The following FAM193A variants were observed in gnomAD, a reference collection of about 807,000 sequenced individuals.
The protein encoded by FAM193A is protein FAM193A.
FAM193A carries 22 observed loss-of-function variants against 126.5 expected under a neutral mutation model. The ratio of observed to expected loss-of-function variants is 0.17; its 90% confidence interval spans 0.12 to 0.25. FAM193A has a LOEUF of 0.25. FAM193A is among the 10% of genes least tolerant of loss of function. The pLI is 1.00. For synonymous variants in FAM193A, 761 were observed against 646.8 expected (o/e 1.18, Z -2.68); for missense variants, 1,675 against 1,672.8 (o/e 1.00, Z -0.02).
At chr4:2,704,042 C>T (rs1189503856) in intron 19 of FAM193A, among the ~76,000 whole-genome samples, 7 of 151,554 alleles carry the variant, frequency 4.6e-5, no homozygotes, top group African/African-American at 9.7e-5. Context: ...CCGAGGGAGG[C>T]GGATCACGAG....
intron 5 of FAM193A, among the ~76,000 whole-genome samples, chr4:2,634,092 G>A (rs772007085): frequency 2.0e-5 from 3 of 152,128 alleles, no homozygotes; most frequent in Admixed American, 6.5e-5. Flanking sequence ...CATAATGCTG[G>A]GACTGTAAGT....
chr4:2,609,972 C>G (rs987968571), intron 2 of FAM193A, among the ~76,000 whole-genome samples: 2 of 151,096 alleles, frequency 1.3e-5, no homozygotes, highest in Non-Finnish European at 2.9e-5. Flanking sequence ...TGGCTCACTC[C>G]TGTAATCCCA....
At chr4:2,623,806 A>G (rs1742703815) in intron 2 of FAM193A, among the ~76,000 whole-genome samples, 1 of 152,162 alleles carries the variant, frequency 6.6e-6, no homozygotes, top group Non-Finnish European at 1.5e-5. Context: ...CAGAGTGGGA[A>G]TAGTGCAATA....
At chr4:2,590,488 A>AC (rs1473317965) in intron 1 of FAM193A, among the ~76,000 whole-genome samples, 2 of 75,344 alleles carry the variant, frequency 2.7e-5, no homozygotes, top group Admixed American at 9.9e-5. Flanking sequence ...AAAAAAAACA[A>AC]AAAAAAACAA....
chr4:2,688,636 C>T (rs575190798), intron 13 of FAM193A, among the ~76,000 whole-genome samples: 1 of 152,312 alleles, frequency 6.6e-6, no homozygotes, highest in East Asian at 1.9e-4. Flanking sequence ...GCATCCTGAG[C>T]AGGGGAGTGA....
chr4:2,555,014 T>G (rs540143458), intron 1 of FAM193A, among the ~76,000 whole-genome samples: 25 of 152,252 alleles, frequency 1.6e-4, no homozygotes, highest in Non-Finnish European at 2.8e-4. Flanking sequence ...TTAATTGTGC[T>G]TATTCATATT....
At chr4:2,657,708 C>T in intron 7 of FAM193A, 95 bp from the exon 8 acceptor site, 1 of 744,552 alleles carries the variant, frequency 1.3e-6, no homozygotes. Context: ...TCATATATAT[C>T]ATTTTAAGAA....
intron 13 of FAM193A, among the ~76,000 whole-genome samples, chr4:2,679,588 A>C (rs957022258): frequency 1.3e-5 from 2 of 151,526 alleles, no homozygotes; most frequent in African/African-American, 4.8e-5. Flanking sequence ...CATGTTGGTC[A>C]GCTGGTCTCG....
chr4:2,730,476 G>T (rs1347598854), intron 20 of FAM193A, among the ~76,000 whole-genome samples: 2 of 151,942 alleles, frequency 1.3e-5, no homozygotes. Context: ...AGATCACAAG[G>T]TCAGGATATT....
At chr4:2,705,346 G>T (rs1276786355) in intron 19 of FAM193A, among the ~76,000 whole-genome samples, 1 of 152,020 alleles carries the variant, frequency 6.6e-6, no homozygotes, top group Non-Finnish European at 1.5e-5. Context: ...CCTTTTATGC[G>T]GTCAGCTTCT....
intron 2 of FAM193A, among the ~76,000 whole-genome samples, chr4:2,608,758 G>GC (rs1741689784): frequency 6.6e-6 from 1 of 152,156 alleles, no homozygotes; most frequent in African/African-American, 2.4e-5. Flanking sequence ...GCATAGACCT[G>GC]CAAGGGGACA....
At chr4:2,568,134 C>T (rs1739078066) in intron 1 of FAM193A, among the ~76,000 whole-genome samples, 1 of 152,160 alleles carries the variant, frequency 6.6e-6, no homozygotes, top group African/African-American at 2.4e-5. Flanking sequence ...TCTAGTGATA[C>T]TTTACACCTT....
intron 13 of FAM193A, among the ~76,000 whole-genome samples, chr4:2,679,381 T>A (rs868137882): frequency 1.6e-5 from 2 of 123,548 alleles, no homozygotes; most frequent in African/African-American, 8.0e-5. Flanking sequence ...CTTTCTTTTT[T>A]TTTTTTTTTT....
intron 2 of FAM193A, among the ~76,000 whole-genome samples, chr4:2,611,153 T>A (rs1350033172): frequency 1.3e-5 from 2 of 152,160 alleles, no homozygotes; most frequent in Admixed American, 6.6e-5. Flanking sequence ...GTATGAGAGG[T>A]CCAGTTGATC....
At chr4:2,545,392 A>AT (rs34669440) in intron 1 of FAM193A, among the ~76,000 whole-genome samples, 50,349 of 149,720 alleles carry the variant, frequency 0.34, 9,808 homozygotes, top group Admixed American at 0.54. Flanking sequence ...GCAGTGGATC[A>AT]TTTTTTTTTT....
rs568868270 is a variant in FAM193A, at chr4:2,646,939, C to G, written c.1311+107C>G. ...TCCTGAGCTGCAAGCCAGGAATTCC[C>G]GACTGAGGCCCAGAGGCGCATGTGG... On this transcript the variant is annotated intron_variant, in intron 7 of 20. Transcript: ENST00000637812. The G allele has an allele frequency of 1.1e-5, 14 of 1,241,950 alleles. No individual in the cohort carries two copies. The African/African-American group carries it at 1.7e-4, about 15-fold the overall frequency. 76.9% of individuals were successfully genotyped at this position (1,241,950 alleles called of 1,614,324 possible).
At chr4:2,701,899 C>T (rs951518792) in intron 19 of FAM193A, among the ~76,000 whole-genome samples, 1 of 151,924 alleles carries the variant, frequency 6.6e-6, no homozygotes, top group Non-Finnish European at 1.5e-5. Context: ...GCCTCAGCCT[C>T]TCAAGTAGCT....
At chr4:2,711,714 C>T (rs550680236) in intron 19 of FAM193A, among the ~76,000 whole-genome samples, 28 of 151,664 alleles carry the variant, frequency 1.8e-4, no homozygotes, top group African/African-American at 5.1e-4. Context: ...TTTGGGAGGC[C>T]GAGGCGGGCA....
At chr4:2,665,719 G>A (rs1430137004) in intron 12 of FAM193A, among the ~76,000 whole-genome samples, 3 of 152,192 alleles carry the variant, frequency 2.0e-5, no homozygotes, top group East Asian at 3.8e-4. Flanking sequence ...TAGAGAGAGG[G>A]TCTCACTATG....
Sources: allele counts gnomAD v4.1 joint callset (sites outside exome capture counted in the v4.1 genomes callset), GRCh38; gene constraint gnomAD v4.1.1; transcripts MANE v1.5; gene names NCBI Gene and HGNC (gene_info 2026-07-23, HGNC 2026-07-21).